LRGUK: variants seen among roughly 807,000 people sequenced by gnomAD.
LRGUK encodes the protein leucine rich repeats and guanylate kinase domain containing.
Under a neutral mutation model 76.0 loss-of-function variants are expected in LRGUK, and 65 were observed. The observed-to-expected ratio is 0.85, with a 90% CI of 0.70 to 1.05. LRGUK has a LOEUF of 1.05. LRGUK is among the 50% of genes least tolerant of loss of function. The probability of loss-of-function intolerance (pLI) is 0.00; values close to 1 mark genes in which losing one functional copy is unlikely to be tolerated. For synonymous variants in LRGUK, 268 were observed against 265.6 expected (o/e 1.01, Z -0.09); for missense variants, 758 against 732.8 (o/e 1.03, Z -0.40).
intron 10 of LRGUK, among the ~76,000 whole-genome samples, chr7:134,180,936 T>C (rs1010940770): frequency 1.3e-5 from 2 of 152,178 alleles, no homozygotes; most frequent in African/African-American, 4.8e-5. Flanking sequence ...TCTAATGTAC[T>C]TTTGTCTCTA....
chr7:134,163,317 G>C, intron 6 of LRGUK, 80 bp from the exon 7 acceptor site: 1 of 1,306,174 alleles, frequency 7.7e-7, no homozygotes, highest in South Asian at 1.6e-5. Flanking sequence ...ATTTGGGTCA[G>C]TATCCCAAAT....
intron 16 of LRGUK, among the ~76,000 whole-genome samples, chr7:134,239,714 C>G (rs1802094116): frequency 6.6e-6 from 1 of 152,234 alleles, no homozygotes; most frequent in South Asian, 2.1e-4. Flanking sequence ...GTTTTCCCAG[C>G]ACAGAGTTTG....
At chr7:134,186,727 G>A (rs1332186061) in intron 11 of LRGUK, among the ~76,000 whole-genome samples, 2 of 152,160 alleles carry the variant, frequency 1.3e-5, no homozygotes, top group Non-Finnish European at 1.5e-5. Context: ...AGACTGGTGA[G>A]GTCCTTGCCT....
chr7:134,252,438 A>C (rs1042886689), intron 18 of LRGUK, among the ~76,000 whole-genome samples: 1 of 152,226 alleles, frequency 6.6e-6, no homozygotes, highest in Admixed American at 6.5e-5. Context: ...AAAAGAAGAC[A>C]GTCCCAAGAA....
At position 134,256,879 on chromosome 7, in the gene LRGUK, T is replaced by C. The variant is rs147899833; in HGVS notation, c.2199-1378T>C. On this transcript the variant is annotated intron_variant, in intron 18 of 19. Coordinates refer to the LRGUK transcript ENST00000285928. ...AGCCGAACAGGGCAGGTCCAGATCT[T>C]GTGTTCACTGCTATATCTCCTGAAC... is the stretch of plus-strand genomic sequence containing the variant. Among the ~76,000 whole-genome samples the C allele has an allele frequency of 6.3e-3, 956 of 152,310 alleles. 14 individuals are homozygous for C. The highest frequency in any genetic ancestry group is 0.021 in the African/African-American group (892 of 41,564).
intron 7 of LRGUK, among the ~76,000 whole-genome samples, chr7:134,166,083 G>A (rs1176302579): frequency 6.6e-6 from 1 of 151,372 alleles, no homozygotes; most frequent in African/African-American, 2.4e-5. Flanking sequence ...CTTCAGGAAA[G>A]TTCCTCAGAG....
chr7:134,163,398 G>A, exon 7 of LRGUK: 1 of 1,609,812 alleles, frequency 6.2e-7, no homozygotes, highest in Non-Finnish European at 8.5e-7. Context: ...CTGTTTTAGA[G>A]CAATAACCAG....
At chr7:134,173,184 A>G (rs1245892600) in intron 7 of LRGUK, among the ~76,000 whole-genome samples, 4 of 152,198 alleles carry the variant, frequency 2.6e-5, no homozygotes, top group Non-Finnish European at 4.4e-5. Flanking sequence ...GATGTGTATA[A>G]TAGTATAACG....
In LRGUK at chr7:134,261,293, T is replaced by C. The variant is rs79673144; in HGVS notation, c.2348-2552T>C. Among the ~76,000 whole-genome samples, 435 of 57,616 alleles carry C rather than the reference T, an allele frequency of 7.5e-3. 2 individuals carry two copies. Among genetic ancestry groups the C allele is most frequent in the African/African-American group, 0.034 (418 of 12,348 alleles). The allele number at this position is 57,616 out of a possible 152,430, so 37.8% of individuals were successfully genotyped here. A position where few individuals can be genotyped will look rare whatever the true frequency, so the allele number is the denominator to read the frequency against. ...ATCATCCCATATATGTGAAGTTGAT[T>C]TTTTTTTTTACATAAATGTAACTTT... On this transcript the variant is annotated intron_variant, in intron 19 of 19. Transcript: ENST00000285928.
Position 134,148,288 on chromosome 7 carries a change from G to A in LRGUK, c.639G>A (p.Ala213=), listed in dbSNP as rs144875734. The change falls in exon 5 of 16, where the codon GCG becomes GCA. Residue 213 remains alanine, a synonymous_variant. Coordinates refer to ENST00000645682, the Ensembl canonical transcript of LRGUK. ...TTTCTGAAATTTGTGATTTGTCAGCGTATCATGCTCTCACTAAACTAATTT... is the reference window on the plus strand; with the variant it reads ...TTTCTGAAATTTGTGATTTGTCAGCATATCATGCTCTCACTAAACTAATTT... The A allele has an allele frequency of 1.5e-4, 237 of 1,601,788 alleles. 1 individual carries two copies. The highest frequency in any genetic ancestry group is 1.4e-3 in the South Asian group (119 of 87,700).
chr7:134,220,432 A>T (rs1327829613), intron 15 of LRGUK, among the ~76,000 whole-genome samples: 1 of 152,146 alleles, frequency 6.6e-6, no homozygotes, highest in Non-Finnish European at 1.5e-5. Context: ...TCCAAACCAA[A>T]GTAGAGTCTG....
chr7:134,268,791 G>T (rs528947832), downstream of LRGUK, among the ~76,000 whole-genome samples: 1 of 119,276 alleles, frequency 8.4e-6, no homozygotes, highest in Admixed American at 1.1e-4. Context: ...GTGCAGTAGT[G>T]CCATCTCCAA....
chr7:134,249,967 G>T (rs576187096), intron 18 of LRGUK, among the ~76,000 whole-genome samples: 2 of 152,160 alleles, frequency 1.3e-5, no homozygotes, highest in Admixed American at 1.3e-4. Flanking sequence ...TAGGTTGCTG[G>T]CTGGTCTATA....
chr7:134,200,398 C>A (rs1800719255), intron 14 of LRGUK, among the ~76,000 whole-genome samples: 1 of 152,054 alleles, frequency 6.6e-6, no homozygotes, highest in Non-Finnish European at 1.5e-5. Flanking sequence ...TGAGAAAATT[C>A]TCTGTGTCTA....
At chr7:134,162,631 A>G (rs914403391) in intron 6 of LRGUK, among the ~76,000 whole-genome samples, 1 of 152,118 alleles carries the variant, frequency 6.6e-6, no homozygotes, top group Non-Finnish European at 1.5e-5. Flanking sequence ...GTTTAAGACC[A>G]GCCTGGCCAA....
At chr7:134,216,340 T>C (rs1443079080) in intron 15 of LRGUK, among the ~76,000 whole-genome samples, 2 of 152,206 alleles carry the variant, frequency 1.3e-5, no homozygotes, top group African/African-American at 4.8e-5. Flanking sequence ...TGAAAATCCT[T>C]TTTTAAAAAT....
intron 11 of LRGUK, among the ~76,000 whole-genome samples, chr7:134,190,480 T>C (rs973443928): frequency 1.3e-5 from 2 of 152,238 alleles, no homozygotes; most frequent in Non-Finnish European, 2.9e-5. Flanking sequence ...AGTACAGGGA[T>C]TGCAGGAATA....
chr7:134,133,986 C>T (rs774316238), intron 1 of LRGUK, among the ~76,000 whole-genome samples: 2 of 151,744 alleles, frequency 1.3e-5, no homozygotes, highest in South Asian at 4.2e-4. Flanking sequence ...GACTTGAGCC[C>T]GGGAGGTTGA....
chr7:134,205,045 G>T lies in LRGUK; in HGVS notation c.1843+3469G>T, dbSNP rs561096290. On this transcript the variant is annotated intron_variant, in intron 15 of 15. Coordinates refer to ENST00000645682, the Ensembl canonical transcript of LRGUK. ...CAAGGTTTAGTGTTAACAGCGAAAG[G>T]ACAAAGTGTCCACAGCATGGAAGGG... Among the ~76,000 whole-genome samples, 4 of 152,316 alleles carry T rather than the reference G, an allele frequency of 2.6e-5. No homozygotes were observed. The East Asian group carries it at 5.8e-4, about 22-fold the overall frequency.
Sources: gnomAD v4.1 joint callset for allele counts (sites outside exome capture counted in the v4.1 genomes callset) on GRCh38, gnomAD v4.1.1 for gene constraint, MANE v1.5 for transcripts, NCBI Gene and HGNC (gene_info 2026-07-23, HGNC 2026-07-21) for gene names.